The following PSD3 variants were observed in gnomAD, a reference collection of about 807,000 sequenced individuals.
PSD3 encodes PH and SEC7 domain-containing protein 3.
In PSD3, 49 loss-of-function variants were observed where a neutral mutation model predicts 105.5. The observed-to-expected ratio is 0.46, with a 90% CI of 0.37 to 0.59. The LOEUF is 0.59. Among genes scored for constraint, PSD3 ranks in the 20% least tolerant of loss-of-function variants. The pLI, the probability that PSD3 is intolerant of heterozygous loss-of-function variation, is 0.00. For missense variants in PSD3, 1,561 were observed against 1,263.8 expected (o/e 1.24, Z -3.57); for synonymous variants, 557 against 457.8 (o/e 1.22, Z -2.77).
chr8:18,575,339 T>A (rs1585281178), intron 12 of PSD3, 54 bp from the exon 13 acceptor site: 1 of 1,444,054 alleles, frequency 6.9e-7, no homozygotes, highest in Non-Finnish European at 9.2e-7. Context: ...GATTTCAACT[T>A]AATTTTTTAA....
chr8:18,952,185 T>A (rs547099049), intron 1 of PSD3, among the ~76,000 whole-genome samples: 11 of 152,186 alleles, frequency 7.2e-5, no homozygotes, highest in African/African-American at 2.6e-4. Context: ...TTTAAAGACG[T>A]CTACATCCTA....
At chr8:18,576,165 C>G (rs1802451937) in intron 12 of PSD3, among the ~76,000 whole-genome samples, 1 of 152,042 alleles carries the variant, frequency 6.6e-6, no homozygotes, top group Admixed American at 6.6e-5. Flanking sequence ...TCATTTATCC[C>G]CTCCAAAAAC....
At position 18,871,919 on chromosome 8, in the gene PSD3, C is replaced by G. The variant is rs371541354; in HGVS notation, c.945G>C (p.Glu315Asp). ...TCTCAAAATCTATAGGATGCTGGGT[C>G]TCTCTCTTGTCTCCTCCTGTCCACA... ...EILWTGGDKR[E>D]TQHPIDFETS... is the part of the protein sequence containing the mutation. The change falls in exon 3 of 16, where the codon GAG becomes GAC. Residue 315 changes from glutamate (E) to aspartate (D), a missense_variant. Physicochemically the swap from Glu to Asp is conservative, Grantham distance 45. Transcript: ENST00000327040. 2.5e-6 allele frequency: 4 copies of G among 1,614,072 alleles called. No individual in the cohort carries two copies. Among genetic ancestry groups the G allele is most frequent in the African/African-American group, 2.7e-5 (2 of 74,932 alleles).
chr8:18,788,164 G>A (rs965221161), intron 8 of PSD3, among the ~76,000 whole-genome samples: 4 of 152,170 alleles, frequency 2.6e-5, no homozygotes, highest in African/African-American at 4.8e-5. Context: ...GGACAACATC[G>A]TGAGCGAGCA....
chr8:18,677,482 T>C (rs550271820), intron 9 of PSD3, among the ~76,000 whole-genome samples: 1 of 151,964 alleles, frequency 6.6e-6, no homozygotes, highest in Admixed American at 6.6e-5. Flanking sequence ...GAGGCAGAGG[T>C]TACAGTGAGC....
chr8:18,671,248 G>C (rs1001096782), intron 9 of PSD3, among the ~76,000 whole-genome samples: 1 of 152,190 alleles, frequency 6.6e-6, no homozygotes, highest in African/African-American at 2.4e-5. Context: ...TGGAGGTTAG[G>C]CAGATTGTTG....
At chr8:18,774,963 GA>G in intron 8 of PSD3, 1 of 456,176 alleles carries the variant, frequency 2.2e-6, no homozygotes, top group Middle Eastern at 3.3e-4. Context: ...GAGGGAAAGA[GA>G]AAAGTGCCCA....
chr8:18,626,810 G>A (rs1001885017), intron 11 of PSD3, among the ~76,000 whole-genome samples: 2 of 152,102 alleles, frequency 1.3e-5, no homozygotes, highest in Non-Finnish European at 2.9e-5. Context: ...TGAGGTTGGT[G>A]GGGGAGACAG....
In PSD3 at chr8:18,532,545, C is replaced by T. The variant is rs1799675928; in HGVS notation, c.*3198G>A. On this transcript the variant is annotated 3_prime_UTR_variant, in exon 16 of 16. Coordinates refer to ENST00000327040, the MANE Select transcript of PSD3 (RefSeq NM_015310.4). ...AAGGTTACACATAATCCAGGGACTACATTTCCATCAGAGGACTCTCTCCCA... is the reference window on the plus strand; with the variant it reads ...AAGGTTACACATAATCCAGGGACTATATTTCCATCAGAGGACTCTCTCCCA... 3 of 152,232 alleles carry T rather than the reference C, an allele frequency of 2.0e-5. No homozygotes were observed. Among genetic ancestry groups the T allele is most frequent in the Admixed American group, 1.3e-4 (2 of 15,284 alleles). 9.4% of individuals were successfully genotyped at this position (152,232 alleles called of 1,614,324 possible). A position where few individuals can be genotyped will look rare whatever the true frequency, so the allele number is the denominator to read the frequency against.
chr8:19,072,189 C>T (rs1037491800), intron 1 of PSD3, among the ~76,000 whole-genome samples: 3 of 151,972 alleles, frequency 2.0e-5, no homozygotes, highest in African/African-American at 7.3e-5. Flanking sequence ...GCAGCCTCCA[C>T]CTCCTGGGTT....
chr8:18,650,735 A>T (rs1409001440), intron 10 of PSD3, among the ~76,000 whole-genome samples: 3 of 152,220 alleles, frequency 2.0e-5, no homozygotes, highest in Non-Finnish European at 4.4e-5. Context: ...CTTGCTACTA[A>T]CTTAAGGAAA....
At position 18,833,272 on chromosome 8, in the gene PSD3, T is replaced by C. The variant is rs532424106; in HGVS notation, c.1635-28374A>G. Among the ~76,000 whole-genome samples the C allele has an allele frequency of 2.0e-5, 3 of 151,998 alleles. No individual in the cohort carries two copies. In the South Asian group the frequency reaches 6.3e-4, roughly 32 times the overall value. The stretch of plus-strand genomic sequence containing the variant: ...CAGGTTGAAGCTTGTGGGACGGAGG[T>C]GAGACAGTGTGAAGAACACAGAGCA... On this transcript the variant is annotated intron_variant, in intron 4 of 15. Transcript: ENST00000327040.
chr8:18,580,922 A>C (rs887103667), intron 12 of PSD3, among the ~76,000 whole-genome samples: 1 of 152,176 alleles, frequency 6.6e-6, no homozygotes, highest in African/African-American at 2.4e-5. Context: ...CCATTCCATC[A>C]ATCATCTCTA....
chr8:18,734,596 C>T (rs533305137), intron 9 of PSD3, among the ~76,000 whole-genome samples: 2 of 152,220 alleles, frequency 1.3e-5, no homozygotes, highest in East Asian at 3.9e-4. Flanking sequence ...GAGGCACTAA[C>T]AGTAAACACG....
At chr8:18,718,810 G>T (rs141750850) in intron 9 of PSD3, among the ~76,000 whole-genome samples, 2 of 152,028 alleles carry the variant, frequency 1.3e-5, no homozygotes, top group Admixed American at 6.6e-5. Flanking sequence ...TTTGAAAGTC[G>T]TTTGGTGCAA....
chr8:18,918,389 C>T (rs1049517879), intron 2 of PSD3, among the ~76,000 whole-genome samples: 5 of 152,206 alleles, frequency 3.3e-5, no homozygotes, highest in Non-Finnish European at 7.3e-5. Context: ...CCTCCCAAAG[C>T]CTCTGTTCTT....
chr8:18,734,464 G>A (rs531227233), intron 9 of PSD3: 1 of 152,166 alleles, frequency 6.6e-6, no homozygotes, highest in South Asian at 2.1e-4. Context: ...ACAAGATGAT[G>A]GTTCAATGGT....
At chr8:18,957,800 T>C (rs561952958) in intron 1 of PSD3, among the ~76,000 whole-genome samples, 2 of 152,142 alleles carry the variant, frequency 1.3e-5, no homozygotes, top group African/African-American at 4.8e-5. Context: ...AAGTTAATAA[T>C]GAATGCACTT....
At chr8:18,867,456 A>T (rs1817023140) in intron 4 of PSD3, among the ~76,000 whole-genome samples, 1 of 152,202 alleles carries the variant, frequency 6.6e-6, no homozygotes, top group Non-Finnish European at 1.5e-5. Context: ...TCATCCAGGA[A>T]ATCCCACAGA....
Sources: allele counts gnomAD v4.1 joint callset (sites outside exome capture counted in the v4.1 genomes callset), GRCh38; gene constraint gnomAD v4.1.1; transcripts MANE v1.5; gene names NCBI Gene and HGNC (gene_info 2026-07-23, HGNC 2026-07-21).